CDK8: variants seen among roughly 807,000 people sequenced by gnomAD.
CDK8 encodes cyclin dependent kinase 8, also known as cyclin-dependent kinase 8.
Under a neutral mutation model 71.5 loss-of-function variants are expected in CDK8, and 29 were observed. That is an observed-to-expected ratio of 0.41 (90% CI 0.30 to 0.55). The LOEUF is 0.55. Ranked by LOEUF, CDK8 falls within the 20% of genes least tolerant of loss-of-function variation. CDK8 has a pLI of 0.37. For synonymous variants in CDK8, 161 were observed against 192.1 expected, an observed-to-expected ratio of 0.84 and a Z score of 1.34; for missense variants, 288 against 572.6, an observed-to-expected ratio of 0.50 and a Z score of 5.07.
intron 4 of CDK8, among the ~76,000 whole-genome samples, chr13:26,361,733 G>T (rs1221624239): frequency 6.7e-6 from 1 of 148,970 alleles, no homozygotes; most frequent in Non-Finnish European, 1.5e-5. Context: ...CTCATTTTGG[G>T]ACTGCTTTCA....
rs1045834455 is a variant in CDK8, at chr13:26,254,428, C to T, written c.-214C>T. ...CCGGGGGATCCTCCCCGTTCCTCCA[C>T]CCCCGGCCGGCCTCTGCCCCGCCGT... On this transcript the variant is annotated 5_prime_UTR_variant, in exon 1 of 13. Coordinates refer to ENST00000381527, the MANE Select transcript of CDK8 (RefSeq NM_001260.3). This position sits in a 1 kb window ranked among gnomAD's most constrained non-coding sequence, Gnocchi z 6.7. 4 of 426,830 alleles carry T rather than the reference C, an allele frequency of 9.4e-6. No individual in the cohort carries two copies. The highest frequency in any genetic ancestry group is 2.1e-5 in the African/African-American group (1 of 47,550). The allele number at this position is 426,830 out of a possible 1,614,324, so 26.4% of individuals were successfully genotyped here. A position where few individuals can be genotyped will look rare whatever the true frequency, so the allele number is the denominator to read the frequency against.
At chr13:26,319,650 G>T (rs921450306) in intron 1 of CDK8, among the ~76,000 whole-genome samples, 2 of 148,504 alleles carry the variant, frequency 1.3e-5, no homozygotes, top group African/African-American at 4.9e-5. Context: ...ATTGATTACA[G>T]ATTTAGTGCA....
chr13:26,322,784 G>A (rs1309265995), intron 1 of CDK8, among the ~76,000 whole-genome samples: 1 of 152,102 alleles, frequency 6.6e-6, no homozygotes, highest in East Asian at 1.9e-4. Context: ...ACTGCTTGTT[G>A]CATGGTTTTT....
At chr13:26,306,119 A>G (rs192297159) in intron 1 of CDK8, among the ~76,000 whole-genome samples, 70 of 152,270 alleles carry the variant, frequency 4.6e-4, no homozygotes, top group African/African-American at 1.3e-3. Flanking sequence ...TCAGTCTTTG[A>G]TATTTGAAGC....
Position 26,289,845 on chromosome 13 carries a change from C to T in CDK8, c.128+35076C>T, listed in dbSNP as rs139158757. On this transcript the variant is annotated intron_variant, in intron 1 of 12. Coordinates refer to ENST00000381527, the MANE Select transcript of CDK8 (RefSeq NM_001260.3). Reference sequence around the variant, plus strand: ...GATTACAGGCGTGAGCCACGGTGCCCGGCCGAAATTTGCTTCTTAATTATT... The same window carrying T: ...GATTACAGGCGTGAGCCACGGTGCCTGGCCGAAATTTGCTTCTTAATTATT... Among the ~76,000 whole-genome samples the T allele has an allele frequency of 5.3e-3, 802 of 152,218 alleles. 3 individuals are homozygous for T. Among genetic ancestry groups the T allele is most frequent in the African/African-American group, 0.018 (768 of 41,524 alleles).
intron 1 of CDK8, among the ~76,000 whole-genome samples, chr13:26,321,448 G>T (rs1874770586): frequency 6.6e-6 from 1 of 151,004 alleles, no homozygotes; most frequent in African/African-American, 2.5e-5. Flanking sequence ...AAGTGTTCTG[G>T]AGATGGATGG....
At chr13:26,288,851 C>T (rs1175574249) in intron 1 of CDK8, among the ~76,000 whole-genome samples, 1 of 152,040 alleles carries the variant, frequency 6.6e-6, no homozygotes, top group East Asian at 1.9e-4. Context: ...CCTCTGCCTC[C>T]TGGGTTCATC....
At chr13:26,318,702 G>T (rs1307543059) in intron 1 of CDK8, among the ~76,000 whole-genome samples, 1 of 152,046 alleles carries the variant, frequency 6.6e-6, no homozygotes, top group Non-Finnish European at 1.5e-5. Context: ...AGAATGAAGA[G>T]AAAAATACAT....
intron 1 of CDK8, among the ~76,000 whole-genome samples, chr13:26,310,980 A>AT (rs1174104058): frequency 6.8e-6 from 1 of 147,550 alleles, no homozygotes; most frequent in Non-Finnish European, 1.5e-5. Context: ...ACTTCTCATC[A>AT]TTTTTTCCTG....
intron 12 of CDK8, among the ~76,000 whole-genome samples, chr13:26,402,562 T>C (rs17084037): frequency 0.074 from 11,287 of 152,318 alleles, 1,356 homozygotes; most frequent in African/African-American, 0.25. Flanking sequence ...TAACTCTTTC[T>C]TTTGGTTAGG....
chr13:26,304,262 T>TG (rs1873941054), intron 1 of CDK8, among the ~76,000 whole-genome samples: 4 of 144,084 alleles, frequency 2.8e-5, no homozygotes, highest in African/African-American at 1.1e-4. Flanking sequence ...AGACTCTGTC[T>TG]CAAAAAAAAA....
chr13:26,335,263 GCCTACT>G (rs1156269535), intron 1 of CDK8, among the ~76,000 whole-genome samples: 1 of 152,074 alleles, frequency 6.6e-6, no homozygotes, highest in Non-Finnish European at 1.5e-5. Flanking sequence ...AACCATTTTT[GCCTACT>G]CCACTATCCA....
At chr13:26,307,146 A>G (rs1874082275) in intron 1 of CDK8, among the ~76,000 whole-genome samples, 1 of 152,204 alleles carries the variant, frequency 6.6e-6, no homozygotes, top group Non-Finnish European at 1.5e-5. Context: ...TACAGGAGAT[A>G]AGACACCCCA....
chr13:26,294,265 G>C lies in CDK8; in HGVS notation c.128+39496G>C, dbSNP rs1284180042. Among the ~76,000 whole-genome samples the C allele has an allele frequency of 3.3e-5, 5 of 151,932 alleles. 1 individual carries two copies. In the East Asian group the frequency reaches 9.7e-4, roughly 29 times the overall value. ...CCCGCCTCAGCCTCCTCAGTAGTTG[G>C]GATTATAGGCATGAGCCACCATGCC... is the stretch of plus-strand genomic sequence containing the variant. On this transcript the variant is annotated intron_variant, in intron 1 of 12. Coordinates refer to ENST00000381527, the MANE Select transcript of CDK8 (RefSeq NM_001260.3).
At chr13:26,376,212 T>TTTTTTTTTTTTTTGAG (rs1565991798) in intron 4 of CDK8, among the ~76,000 whole-genome samples, 1 of 42,592 alleles carries the variant, frequency 2.3e-5, no homozygotes, top group African/African-American at 3.9e-5. Context: ...TTCGCTTTTT[T>TTTTTTTTTTTTTTGAG]AATACATCAA....
At chr13:26,387,327 T>C (rs951079740) in intron 6 of CDK8, among the ~76,000 whole-genome samples, 1 of 152,210 alleles carries the variant, frequency 6.6e-6, no homozygotes, top group African/African-American at 2.4e-5. Context: ...TTCAACTGTT[T>C]GGTGACCCTT....
intron 2 of CDK8, among the ~76,000 whole-genome samples, chr13:26,343,759 C>A (rs1873343365): frequency 6.6e-6 from 1 of 152,134 alleles, no homozygotes; most frequent in Non-Finnish European, 1.5e-5. Context: ...CTTCAATTAA[C>A]CTTAGTTTAC....
At chr13:26,257,346 G>A (rs1871568315) in intron 1 of CDK8, among the ~76,000 whole-genome samples, 1 of 152,180 alleles carries the variant, frequency 6.6e-6, no homozygotes, top group African/African-American at 2.4e-5. Context: ...ATTTAGACCA[G>A]AGAAGTTAGC....
At chr13:26,341,212 T>C (rs4770970) in intron 2 of CDK8, among the ~76,000 whole-genome samples, 141,648 of 152,188 alleles carry the variant, frequency 0.93, 65,955 homozygotes, top group East Asian at 1. Flanking sequence ...CTGCAATCTC[T>C]GCCTCCCGGG....
Sources: allele counts gnomAD v4.1 joint callset (sites outside exome capture counted in the v4.1 genomes callset), GRCh38; gene constraint gnomAD v4.1.1; non-coding constraint Gnocchi (gnomAD v3.1); transcripts MANE v1.5; gene names NCBI Gene and HGNC (gene_info 2026-07-23, HGNC 2026-07-21).